The following PCSK5 variants were observed in gnomAD, a reference collection of about 807,000 sequenced individuals.
PCSK5 encodes the protein prohormone convertase 5.
In PCSK5, 129 loss-of-function variants were observed where a neutral mutation model predicts 233.2. That is an observed-to-expected ratio of 0.55 (90% CI 0.48 to 0.64). The LOEUF is 0.64. PCSK5 is among the 30% of genes least tolerant of loss of function. PCSK5 has a pLI of 0.00. For synonymous variants in PCSK5, 825 were observed against 879.2 expected (o/e 0.94, Z 1.09); for missense variants, 2,076 against 2,430.1 (o/e 0.85, Z 3.06).
At chr9:75,995,073 A>T (rs1826953204) in intron 3 of PCSK5, among the ~76,000 whole-genome samples, 1 of 152,124 alleles carries the variant, frequency 6.6e-6, no homozygotes, top group Non-Finnish European at 1.5e-5. Flanking sequence ...CTCTGCCTGG[A>T]TGCTTCTCCC....
intron 22 of PCSK5, among the ~76,000 whole-genome samples, chr9:76,236,798 C>T (rs1826263901): frequency 6.6e-6 from 1 of 152,100 alleles, no homozygotes; most frequent in Non-Finnish European, 1.5e-5. Context: ...AGAGGCACCT[C>T]AATAAAGCCA....
chr9:76,343,330 AATTT>A (rs1252221899), intron 35 of PCSK5, among the ~76,000 whole-genome samples: 5 of 102,102 alleles, frequency 4.9e-5, no homozygotes, highest in South Asian at 3.9e-4. Context: ...GCACCTGGGT[AATTT>A]GTGTGTGTGT....
At chr9:76,299,860 C>T (rs1008860668) in intron 27 of PCSK5, among the ~76,000 whole-genome samples, 1 of 152,176 alleles carries the variant, frequency 6.6e-6, no homozygotes, top group African/African-American at 2.4e-5. Context: ...AAGCACTTTC[C>T]TCTGCTACTG....
chr9:75,943,131 C>A (rs555094155), intron 2 of PCSK5, among the ~76,000 whole-genome samples: 1 of 151,990 alleles, frequency 6.6e-6, no homozygotes, highest in Non-Finnish European at 1.5e-5. Flanking sequence ...GTGATCCACC[C>A]GCCTCTGCCT....
At chr9:76,256,918 C>T (rs1827001694) in intron 24 of PCSK5, among the ~76,000 whole-genome samples, 1 of 152,192 alleles carries the variant, frequency 6.6e-6, no homozygotes, top group African/African-American at 2.4e-5. Flanking sequence ...ACATAAATTG[C>T]CTTCCTTGTA....
intron 2 of PCSK5, among the ~76,000 whole-genome samples, chr9:75,984,363 A>G (rs913412765): frequency 2.0e-5 from 3 of 152,214 alleles, no homozygotes; most frequent in African/African-American, 7.2e-5. Flanking sequence ...TGGGGAAGAC[A>G]TGATACTTTC....
At chr9:76,102,899 G>A (rs1831822512) in intron 8 of PCSK5, among the ~76,000 whole-genome samples, 1 of 152,166 alleles carries the variant, frequency 6.6e-6, no homozygotes. Context: ...GTGCCTCTTG[G>A]TACATGGAAC....
At chr9:75,907,818 A>G (rs28712739) in intron 1 of PCSK5, among the ~76,000 whole-genome samples, 48,732 of 152,026 alleles carry the variant, frequency 0.32, 8,407 homozygotes, top group African/African-American at 0.42. Flanking sequence ...ATCACGGGCA[A>G]ATTTCACTGT....
At chr9:76,319,434 C>G (rs1043989074) in intron 30 of PCSK5, among the ~76,000 whole-genome samples, 2 of 147,192 alleles carry the variant, frequency 1.4e-5, no homozygotes, top group African/African-American at 5.0e-5. Context: ...TTTAATATTA[C>G]TCTTTGTTGC....
At position 76,358,899 on chromosome 9, in the gene PCSK5, G is replaced by A. The variant is rs1830373502; in HGVS notation, c.5641G>A (p.Glu1881Lys). ...DDIDELEYDD[E>K]SYSYYQ ...CATAGATGAGCTGGAATATGATGAC[G>A]AGAGTTACTCCTACTACCAGTAAAC... Residue 1881 changes from glutamate (E) to lysine (K), a missense_variant, in exon 38 of 38, where the codon GAG (glutamate) becomes AAG (lysine). Glu to Lys is a moderately conservative substitution (Grantham distance 56). Around this residue, in one of 6 missense-constraint regions of PCSK5, gnomAD observed 1,510 missense variants for 1,538.1 expected, o/e 0.98. Coordinates refer to ENST00000674117, the MANE Select transcript of PCSK5 (RefSeq NM_001372043.1). 1.9e-6 allele frequency: 3 copies of A among 1,612,658 alleles called. No individual in the cohort carries two copies. Among genetic ancestry groups the A allele is most frequent in the African/African-American group, 1.3e-5 (1 of 75,008 alleles).
At chr9:76,040,387 C>CTCTG (rs1563988658) in intron 5 of PCSK5, among the ~76,000 whole-genome samples, 2 of 39,044 alleles carry the variant, frequency 5.1e-5, no homozygotes, top group African/African-American at 2.7e-4. Flanking sequence ...CTCTCTCTGT[C>CTCTG]TCTCTCTCTC....
chr9:76,246,341 CAAAAAA>C (rs59806704), intron 24 of PCSK5, among the ~76,000 whole-genome samples: 2 of 52,622 alleles, frequency 3.8e-5, no homozygotes, highest in Admixed American at 2.7e-4. Context: ...GATTCCATCT[CAAAAAA>C]AAAAAAAAAA....
At position 76,358,691 on chromosome 9, in the gene PCSK5, C is replaced by A. The variant is rs748397929; in HGVS notation, c.5433C>A (p.Asp1811Glu). ...AAKAGYEKLADPNKSYSSYKS... is the reference protein window; with the variant it reads ...AAKAGYEKLAEPNKSYSSYKS... ...AGGCCGGCTATGAAAAACTGGCCGA[C>A]CCCAACAAGTCTTACTCCTCCTATA... Residue 1811 changes from aspartate to glutamate, a missense_variant, in exon 38 of 38, where the codon GAC (aspartate) becomes GAA (glutamate). This residue lies in a region of PCSK5 where 1,510 missense variants were observed against 1,538.1 expected (regional missense o/e 0.98). Coordinates refer to ENST00000674117, the MANE Select transcript of PCSK5 (RefSeq NM_001372043.1). 6.2e-7 allele frequency: 1 copy of A among 1,612,818 alleles called. No individual in the cohort carries two copies. The highest frequency in any genetic ancestry group is 8.5e-7 in the Non-Finnish European group (1 of 1,179,882).
At chr9:76,125,705 GAAA>G (rs1358645358) in intron 9 of PCSK5, among the ~76,000 whole-genome samples, 1 of 152,076 alleles carries the variant, frequency 6.6e-6, no homozygotes, top group Admixed American at 6.5e-5. Context: ...GGTTGTACAA[GAAA>G]AAAATCCACA....
At chr9:76,093,873 CAGT>C (rs1831401199) in intron 7 of PCSK5, among the ~76,000 whole-genome samples, 2 of 152,280 alleles carry the variant, frequency 1.3e-5, no homozygotes, top group African/African-American at 4.8e-5. Context: ...TGTAGTTTCT[CAGT>C]CTGACCACCC....
chr9:76,065,085 G>A (rs937014272), intron 5 of PCSK5, among the ~76,000 whole-genome samples: 4 of 152,204 alleles, frequency 2.6e-5, no homozygotes, highest in Non-Finnish European at 1.5e-5. Flanking sequence ...TGGCTATTGT[G>A]AATAGTGCTG....
chr9:76,195,313 T>C (rs1161972160), intron 20 of PCSK5: 2 of 152,184 alleles, frequency 1.3e-5, no homozygotes, highest in African/African-American at 4.8e-5. Flanking sequence ...AAGAAATCTA[T>C]TTAACTGAAT....
intron 24 of PCSK5, among the ~76,000 whole-genome samples, chr9:76,257,516 G>A (rs928693300): frequency 3.3e-5 from 5 of 152,158 alleles, no homozygotes; most frequent in Non-Finnish European, 5.9e-5. Flanking sequence ...TAATTTGGTA[G>A]GCATCCAGAC....
rs773450734 is a variant in PCSK5, at chr9:76,323,106, G to T, written c.4157G>T (p.Arg1386Leu). 5 of 1,611,428 alleles carry T rather than the reference G, an allele frequency of 3.1e-6. No individual in the cohort carries two copies. Among genetic ancestry groups the T allele is most frequent in the East Asian group, 2.2e-5 (1 of 44,830 alleles). ...HDDMCHQSCPRGFYADSRHCV... is the reference protein window; with the variant it reads ...HDDMCHQSCPLGFYADSRHCV... ...GATATGTGCCACCAGTCCTGTCCCC[G>T]TGGCTTCTATGCAGACTCGCGCCAC... Residue 1386 changes from arginine to leucine, a missense_variant, in exon 32 of 38, where the codon CGT (arginine) becomes CTT (leucine). Physicochemically the swap from Arg to Leu is moderately radical, Grantham distance 102. Around this residue, in one of 6 missense-constraint regions of PCSK5, gnomAD observed 1,510 missense variants for 1,538.1 expected, o/e 0.98. Coordinates refer to ENST00000674117, the MANE Select transcript of PCSK5 (RefSeq NM_001372043.1).
Sources: gnomAD v4.1 joint callset for allele counts (sites outside exome capture counted in the v4.1 genomes callset) on GRCh38, gnomAD v4.1.1 for gene constraint, gnomAD v4.1.1 regional missense constraint, MANE v1.5 for transcripts, NCBI Gene and HGNC (gene_info 2026-07-23, HGNC 2026-07-21) for gene names.